KAZN: variants seen among roughly 807,000 people sequenced by gnomAD.
The protein encoded by KAZN is kazrin.
In KAZN, 40 loss-of-function variants were observed where a neutral mutation model predicts 87.4. The ratio of observed to expected loss-of-function variants is 0.46; its 90% CI spans 0.36 to 0.60. The LOEUF is 0.60. Ranked by LOEUF, KAZN falls within the 20% of genes least tolerant of loss-of-function variation. KAZN has a pLI of 0.00. For synonymous variants in KAZN, 466 were observed against 458.3 expected (o/e 1.02, Z -0.22); for missense variants, 898 against 1,073.9 (o/e 0.84, Z 2.29).
At chr1:14,343,491 C>T (rs958908765) in intron 2 of KAZN, among the ~76,000 whole-genome samples, 6 of 152,136 alleles carry the variant, frequency 3.9e-5, no homozygotes, top group African/African-American at 1.2e-4. Flanking sequence ...GATGGAGCTC[C>T]ATGGTGATCA....
At chr1:14,159,203 C>A (rs1272550197) in intron 1 of KAZN, among the ~76,000 whole-genome samples, 1 of 152,150 alleles carries the variant, frequency 6.6e-6, no homozygotes, top group Non-Finnish European at 1.5e-5. Flanking sequence ...TGATGAGTTC[C>A]CCCAGGCTCC....
chr1:14,035,865 A>G (rs1366951902), intron 1 of KAZN, among the ~76,000 whole-genome samples: 1 of 152,138 alleles, frequency 6.6e-6, no homozygotes, highest in Admixed American at 6.5e-5. Flanking sequence ...CCACTCTTCA[A>G]TTGCAAATGT....
upstream of KAZN, among the ~76,000 whole-genome samples, chr1:14,595,680 C>CAAAAAAAAAAAAAAAAAAAAAAAAAA (rs34080804): frequency 1.0e-5 from 1 of 96,694 alleles, no homozygotes; most frequent in African/African-American, 4.5e-5. Context: ...GACTGCGTCT[C>CAAAAAAAAAAAAAAAAAAAAAAAAAA]AAAAAAAAAA....
intron 1 of KAZN, among the ~76,000 whole-genome samples, chr1:14,703,366 C>T (rs905607116): frequency 3.3e-5 from 5 of 152,152 alleles, no homozygotes; most frequent in African/African-American, 1.2e-4. Context: ...CAGTTTCCTC[C>T]ATCCTATTCT....
In KAZN at chr1:15,066,925, C is replaced by G; in HGVS notation, c.1222+1172C>G. On this transcript the variant is annotated intron_variant, in intron 8 of 14. Coordinates refer to ENST00000376030, the MANE Select transcript of KAZN (RefSeq NM_201628.3). The surrounding 1 kb of genome is among the most constrained non-coding windows in gnomAD (Gnocchi z 4.3). ...TCTATATATTTATTTATCTGACATACAGAACACGACTTTAGTGAGCAGAGT... is the reference window on the plus strand; with the variant it reads ...TCTATATATTTATTTATCTGACATAGAGAACACGACTTTAGTGAGCAGAGT... 5.1e-6 allele frequency: 5 copies of G among 985,464 alleles called. No individual in the cohort carries two copies. The highest frequency in any genetic ancestry group is 6.0e-6 in the Non-Finnish European group (5 of 829,954). The allele number at this position is 985,464 out of a possible 1,614,324, so 61.0% of individuals were successfully genotyped here.
intron 1 of KAZN, among the ~76,000 whole-genome samples, chr1:14,042,639 T>A (rs1641887948): frequency 6.6e-6 from 1 of 152,236 alleles, no homozygotes; most frequent in Admixed American, 6.5e-5. Flanking sequence ...GGTTTCTTTT[T>A]TTTCCCTCCT....
chr1:15,095,648 A>G (rs1263603739), intron 10 of KAZN, among the ~76,000 whole-genome samples: 1 of 149,156 alleles, frequency 6.7e-6, no homozygotes, highest in Non-Finnish European at 1.5e-5. Context: ...GAGGGGAAGA[A>G]CTCGCTTTGT....
chr1:14,514,621 ATATATATATATATATATATC>A (rs1557770582), intron 2 of KAZN, among the ~76,000 whole-genome samples: 1 of 43,740 alleles, frequency 2.3e-5, no homozygotes, highest in Non-Finnish European at 4.7e-5. Flanking sequence ...ATATATATAT[ATATATATATATATATATATC>A]TCAAATTGCA....
intron 1 of KAZN, among the ~76,000 whole-genome samples, chr1:14,131,886 C>G (rs1258136390): frequency 6.6e-6 from 1 of 151,972 alleles, no homozygotes; most frequent in Non-Finnish European, 1.5e-5. Context: ...TATGACACCA[C>G]ACCAATGGCT....
rs1320734790 is a variant in KAZN at position 14,071,070 on chromosome 1, C to T, written c.92-109365C>T. On this transcript the variant is annotated intron_variant, in intron 1 of 16. Coordinates refer to the KAZN transcript ENST00000636203. ...CACAGGCATAAACCCCACCCATGGG[C>T]GAAACCCAGGGTTCCTTTTACTCCC... Among the ~76,000 whole-genome samples the T allele has an allele frequency of 5.3e-5, 8 of 152,148 alleles. No individual in the cohort carries two copies. The South Asian group carries it at 1.0e-3, about 20-fold the overall frequency.
chr1:14,177,357 TC>T (rs757276419), intron 1 of KAZN, among the ~76,000 whole-genome samples: 44 of 152,326 alleles, frequency 2.9e-4, no homozygotes, highest in Admixed American at 1.2e-3. Context: ...TTGCAAGCAT[TC>T]TTTTTTCATT....
intron 2 of KAZN, among the ~76,000 whole-genome samples, chr1:14,577,345 T>A (rs1027695210): frequency 1.8e-4 from 27 of 152,198 alleles, no homozygotes; most frequent in Non-Finnish European, 2.4e-4. Context: ...ACGGGCTCAT[T>A]GGATTGCGGT....
chr1:14,792,194 T>C (rs996752144), intron 1 of KAZN, among the ~76,000 whole-genome samples: 1 of 152,182 alleles, frequency 6.6e-6, no homozygotes, highest in Non-Finnish European at 1.5e-5. Flanking sequence ...TTACTGAGCA[T>C]CTACTGTTTG....
chr1:14,360,867 G>A (rs1286401858), intron 2 of KAZN, among the ~76,000 whole-genome samples: 1 of 152,202 alleles, frequency 6.6e-6, no homozygotes, highest in Non-Finnish European at 1.5e-5. Flanking sequence ...TGTACGAGGT[G>A]CCTGTCAACC....
intron 1 of KAZN, among the ~76,000 whole-genome samples, chr1:14,855,736 C>T (rs188650802): frequency 2.6e-4 from 40 of 152,300 alleles, no homozygotes; most frequent in Non-Finnish European, 4.7e-4. Flanking sequence ...TCCCATTTTA[C>T]AAGTGGAAAT....
intron 2 of KAZN, among the ~76,000 whole-genome samples, chr1:14,438,402 A>T (rs145355735): frequency 7.9e-5 from 12 of 152,298 alleles, no homozygotes; most frequent in Non-Finnish European, 1.6e-4. Flanking sequence ...ATGGGGACAA[A>T]TCTTAGTGGA....
At chr1:14,137,490 C>G (rs1383557378) in intron 1 of KAZN, among the ~76,000 whole-genome samples, 1 of 152,158 alleles carries the variant, frequency 6.6e-6, no homozygotes. Flanking sequence ...TGGAGCCACA[C>G]TGCTTAGGCT....
chr1:14,070,355 CACATACAGAAAAT>C (rs765038945), intron 1 of KAZN, among the ~76,000 whole-genome samples: 2 of 151,742 alleles, frequency 1.3e-5, no homozygotes, highest in Non-Finnish European at 2.9e-5. Flanking sequence ...TTCACAAATC[CACATACAGAAAAT>C]ACATACAGAA....
At chr1:15,071,053 A>G (rs1032785330) in intron 8 of KAZN, among the ~76,000 whole-genome samples, 1 of 152,156 alleles carries the variant, frequency 6.6e-6, no homozygotes, top group Non-Finnish European at 1.5e-5. Context: ...GTATCAGCTT[A>G]TTCTTTATAA....
Sources: allele counts gnomAD v4.1 joint callset (sites outside exome capture counted in the v4.1 genomes callset), GRCh38; gene constraint gnomAD v4.1.1; non-coding constraint Gnocchi (gnomAD v3.1); transcripts MANE v1.5; gene names NCBI Gene and HGNC (gene_info 2026-07-23, HGNC 2026-07-21).